The following ZNF521 variants were observed in gnomAD, a reference collection of about 807,000 sequenced individuals.
ZNF521 encodes the protein zinc finger protein 521.
ZNF521 carries 14 observed loss-of-function variants against 105.5 expected under a neutral mutation model. The ratio of observed to expected loss-of-function variants is 0.13; its 90% CI spans 0.09 to 0.21. ZNF521 has a LOEUF of 0.21. Ranked by LOEUF, ZNF521 falls within the 10% of genes least tolerant of loss-of-function variation. The probability of loss-of-function intolerance (pLI) is 1.00; values close to 1 mark genes in which losing one functional copy is unlikely to be tolerated. For synonymous variants in ZNF521, 635 were observed against 606.0 expected (o/e 1.05, Z -0.70); for missense variants, 1,233 against 1,629.7 (o/e 0.76, Z 4.19).
At chr18:25,122,077 CAT>C (rs1200797935) in intron 5 of ZNF521, among the ~76,000 whole-genome samples, 1 of 152,038 alleles carries the variant, frequency 6.6e-6, no homozygotes, top group African/African-American at 2.4e-5. Flanking sequence ...GTATTCAAGA[CAT>C]AGAAGAAACA....
At chr18:25,075,022 T>C (rs1409184124) in intron 7 of ZNF521, among the ~76,000 whole-genome samples, 1 of 152,152 alleles carries the variant, frequency 6.6e-6, no homozygotes, top group Non-Finnish European at 1.5e-5. Flanking sequence ...AACATGATCC[T>C]GAAAGAAAGA....
At chr18:25,243,902 G>C (rs1431118420) in intron 3 of ZNF521, among the ~76,000 whole-genome samples, 1 of 152,072 alleles carries the variant, frequency 6.6e-6, no homozygotes, top group Non-Finnish European at 1.5e-5. Flanking sequence ...AAAATACTTA[G>C]AAAAAGCAAA....
intron 3 of ZNF521, among the ~76,000 whole-genome samples, chr18:25,250,717 C>G (rs887581749): frequency 6.6e-6 from 1 of 152,220 alleles, no homozygotes; most frequent in Non-Finnish European, 1.5e-5. Context: ...ATGAATTATA[C>G]ACATTTTACA....
intron 7 of ZNF521, among the ~76,000 whole-genome samples, chr18:25,077,103 C>G (rs1329498573): frequency 1.3e-5 from 2 of 152,212 alleles, no homozygotes; most frequent in Non-Finnish European, 2.9e-5. Context: ...AAATACAACA[C>G]TGGGCTGTCC....
chr18:25,170,887 GTCCAAA>G (rs1441989999), intron 5 of ZNF521, among the ~76,000 whole-genome samples: 2 of 152,038 alleles, frequency 1.3e-5, no homozygotes, highest in Non-Finnish European at 2.9e-5. Context: ...TTTGTTTTGT[GTCCAAA>G]TAAATCAGTT....
At chr18:25,150,991 T>C (rs922397244) in intron 5 of ZNF521, among the ~76,000 whole-genome samples, 3 of 151,238 alleles carry the variant, frequency 2.0e-5, no homozygotes, top group African/African-American at 4.8e-5. Flanking sequence ...TTGGCTCAAG[T>C]GATCCTCCCG....
intron 3 of ZNF521, among the ~76,000 whole-genome samples, chr18:25,238,178 A>C (rs1218741490): frequency 1.3e-5 from 2 of 152,172 alleles, no homozygotes; most frequent in African/African-American, 4.8e-5. Flanking sequence ...CAACAACAAC[A>C]ATAACTCAAA....
intron 3 of ZNF521, chr18:25,302,347 A>G: frequency 6.6e-6 from 1 of 152,196 alleles, no homozygotes; most frequent in Non-Finnish European, 1.5e-5. Context: ...CCGTGGTTCC[A>G]TGGCTCAAGC....
At chr18:25,312,888 A>G (rs1442401645) in intron 3 of ZNF521, among the ~76,000 whole-genome samples, 1 of 152,028 alleles carries the variant, frequency 6.6e-6, no homozygotes, top group South Asian at 2.1e-4. Context: ...TGGTAACTGC[A>G]TGGAAGAACT....
At chr18:25,330,630 AT>A (rs1913513566) in intron 2 of ZNF521, among the ~76,000 whole-genome samples, 1 of 152,246 alleles carries the variant, frequency 6.6e-6, no homozygotes, top group South Asian at 2.1e-4. Context: ...CAAAAGAGAC[AT>A]TGATTCTAAT....
intron 2 of ZNF521, among the ~76,000 whole-genome samples, chr18:25,342,985 A>G (rs1487133021): frequency 1.3e-5 from 2 of 152,240 alleles, no homozygotes; most frequent in African/African-American, 4.8e-5. Context: ...AGTTTAAAGC[A>G]CAGTGATATT....
In ZNF521 at chr18:25,225,525, A is replaced by G; in HGVS notation, c.2393T>C (p.Leu798Pro). Residue 798 changes from leucine to proline, a missense_variant, in exon 4 of 8, where the codon CTG becomes CCG. Around this residue, in one of 6 missense-constraint regions of ZNF521, gnomAD observed 614 missense variants for 751.5 expected, o/e 0.82. Coordinates refer to ENST00000361524, the MANE Select transcript of ZNF521 (RefSeq NM_015461.3). This position sits in a 1 kb window ranked among gnomAD's most constrained non-coding sequence, Gnocchi z 5.6. ...ACTGTGAGTGGTGATGTGGCATTGC[A>G]GCTCCACCTCGGTGCCAAAGGACTC... ...CGESFGTEVELQCHITTHSKK... is the reference protein window; with the variant it reads ...CGESFGTEVEPQCHITTHSKK... The G allele has an allele frequency of 6.2e-7, 1 of 1,614,208 alleles. No homozygotes were observed. The highest frequency in any genetic ancestry group is 8.5e-7 in the Non-Finnish European group (1 of 1,180,036).
intron 3 of ZNF521, among the ~76,000 whole-genome samples, chr18:25,301,567 C>T (rs1374666706): frequency 1.3e-5 from 2 of 152,188 alleles, no homozygotes; most frequent in Non-Finnish European, 2.9e-5. Context: ...GCTTTCATGC[C>T]AAAATGGTGA....
intron 3 of ZNF521, among the ~76,000 whole-genome samples, chr18:25,320,845 G>T (rs1912899364): frequency 6.6e-6 from 1 of 152,162 alleles, no homozygotes; most frequent in African/African-American, 2.4e-5. Flanking sequence ...TCCAGAAAAT[G>T]TTTATGGGTT....
In ZNF521 at chr18:25,062,634, G is replaced by T; in HGVS notation, c.*78C>A. On this transcript the variant is annotated 3_prime_UTR_variant, in exon 8 of 8. Transcript: ENST00000361524. ...TTTCTGAATAATATACATTAACAAT[G>T]AAAGTTTCGTGCAAAGAGTAAAACA... 2 of 1,505,716 alleles carry T rather than the reference G, an allele frequency of 1.3e-6. No individual in the cohort carries two copies. Among genetic ancestry groups the T allele is most frequent in the Non-Finnish European group, 1.8e-6 (2 of 1,104,262 alleles). The allele number at this position is 1,505,716 out of a possible 1,614,324, so 93.3% of individuals were successfully genotyped here.
intron 2 of ZNF521, among the ~76,000 whole-genome samples, chr18:25,322,632 A>G (rs1913004297): frequency 6.6e-6 from 1 of 152,070 alleles, no homozygotes; most frequent in African/African-American, 2.4e-5. Context: ...ATTAGCCAAA[A>G]GTCTAGAATA....
chr18:25,148,074 T>C (rs2034977896), intron 5 of ZNF521, among the ~76,000 whole-genome samples: 1 of 151,892 alleles, frequency 6.6e-6, no homozygotes, highest in Admixed American at 6.6e-5. Context: ...AAGCTAGGGG[T>C]TCCGGAGGCC....
At chr18:25,089,715 A>T in intron 6 of ZNF521, 135 bp from the exon 7 acceptor site, 6 of 685,474 alleles carry the variant, frequency 8.8e-6, no homozygotes, top group Non-Finnish European at 1.6e-5. Context: ...ACCTGGGGAG[A>T]GCTGAGTCAC....
chr18:25,170,178 C>A (rs917169899), intron 5 of ZNF521, among the ~76,000 whole-genome samples: 2 of 151,616 alleles, frequency 1.3e-5, no homozygotes, highest in Admixed American at 6.6e-5. Flanking sequence ...CCAAAGGCGG[C>A]GTTCAATGCT....
Sources: gnomAD v4.1 joint callset for allele counts (sites outside exome capture counted in the v4.1 genomes callset) on GRCh38, gnomAD v4.1.1 for gene constraint, gnomAD v4.1.1 regional missense constraint, Gnocchi (gnomAD v3.1) non-coding constraint, MANE v1.5 for transcripts, NCBI Gene and HGNC (gene_info 2026-07-23, HGNC 2026-07-21) for gene names.